Variants in CFAP77 observed in about 807,000 individuals in gnomAD.
CFAP77 encodes cilia- and flagella-associated protein 77.
A neutral mutation model predicts 31.1 loss-of-function variants in CFAP77; 25 were observed. The ratio of observed to expected loss-of-function variants is 0.80; its 90% CI spans 0.59 to 1.12. The LOEUF (loss-of-function observed/expected upper bound fraction) is 1.12. Ranked by LOEUF, CFAP77 falls within the 50% of genes most tolerant of loss-of-function variation. The pLI, the probability that CFAP77 is intolerant of heterozygous loss-of-function variation, is 0.00. For missense variants in CFAP77, 377 were observed against 397.3 expected (o/e 0.95, Z 0.44); for synonymous variants, 151 against 159.9 (o/e 0.94, Z 0.42).
Position 132,486,064 on chromosome 9 carries a change from GTGTA to G in CFAP77, c.196-12629_196-12626del, listed in dbSNP as rs1339829354. ...TATGTATGTATATGTATGTGTGTGT[GTGTA>G]TATATATATATATATATATATATTT... On this transcript the variant is annotated intron_variant, in intron 1 of 5. Coordinates refer to ENST00000393216, the MANE Select transcript of CFAP77 (RefSeq NM_001282957.2). Among the ~76,000 whole-genome samples, 32 of 18,374 alleles carry G rather than the reference GTGTA, an allele frequency of 1.7e-3. 6 individuals carry two copies. In the African/African-American group the frequency reaches 0.018, roughly 10 times the overall value. 12.1% of individuals were successfully genotyped at this position (18,374 alleles called of 152,430 possible).
chr9:132,437,758 G>C (rs1460573585), intron 1 of CFAP77, among the ~76,000 whole-genome samples: 1 of 151,142 alleles, frequency 6.6e-6, no homozygotes, highest in Admixed American at 6.6e-5. Context: ...TGATCTGCCC[G>C]TCTTGGGCTC....
At chr9:132,506,872 CGAG>C (rs1034879086) in intron 3 of CFAP77, among the ~76,000 whole-genome samples, 1 of 152,100 alleles carries the variant, frequency 6.6e-6, no homozygotes, top group Non-Finnish European at 1.5e-5. Context: ...CTGTGCAGTG[CGAG>C]GAGGATTAGT....
intron 3 of CFAP77, among the ~76,000 whole-genome samples, chr9:132,534,610 C>CA (rs201151199): frequency 0.041 from 2,563 of 63,280 alleles, 92 homozygotes; most frequent in African/African-American, 0.08. Context: ...GACTCTGTCT[C>CA]AAAAAAAAAA....
intron 1 of CFAP77, among the ~76,000 whole-genome samples, chr9:132,463,118 G>A (rs115600543): frequency 6.6e-6 from 1 of 152,136 alleles, no homozygotes; most frequent in African/African-American, 2.4e-5. Context: ...AGGGTGCCTG[G>A]GCGGGCTGGG....
chr9:132,445,062 C>T (rs1850686544), intron 1 of CFAP77, among the ~76,000 whole-genome samples: 1 of 151,900 alleles, frequency 6.6e-6, no homozygotes, highest in Non-Finnish European at 1.5e-5. Flanking sequence ...CAACCTCCGC[C>T]TCCTGGGTTC....
intron 3 of CFAP77, among the ~76,000 whole-genome samples, chr9:132,525,028 T>G (rs1852333796): frequency 6.7e-6 from 1 of 148,332 alleles, no homozygotes; most frequent in African/African-American, 2.5e-5. Context: ...AGTAATTTTT[T>G]TTTTTTTTTG....
At chr9:132,473,037 T>C (rs538274296) in intron 1 of CFAP77, among the ~76,000 whole-genome samples, 1 of 152,180 alleles carries the variant, frequency 6.6e-6, no homozygotes, top group African/African-American at 2.4e-5. Flanking sequence ...TCAGGCTGCT[T>C]CCACTCACAG....
intron 5 of CFAP77, among the ~76,000 whole-genome samples, chr9:132,556,849 C>T (rs766573491): frequency 2.0e-5 from 3 of 152,180 alleles, no homozygotes; most frequent in Non-Finnish European, 4.4e-5. Flanking sequence ...CCAGCCAGCC[C>T]CCAGGCCCCT....
Position 132,563,122 on chromosome 9 carries a change from C to T in CFAP77, c.733-9266C>T, listed in dbSNP as rs537309976. The stretch of plus-strand genomic sequence containing the variant: ...GCGGCCTCCACCTCCTGGGCTCAAG[C>T]AATCCTCCCCCTCAATCTCCTGAGT... On this transcript the variant is annotated intron_variant, in intron 5 of 5. Transcript: ENST00000393216. Among the ~76,000 whole-genome samples, 5 of 152,180 alleles carry T rather than the reference C, an allele frequency of 3.3e-5. No homozygotes were observed. The South Asian group carries it at 1.0e-3, about 32-fold the overall frequency.
chr9:132,549,957 A>G (rs971665993), intron 5 of CFAP77, among the ~76,000 whole-genome samples: 11 of 152,272 alleles, frequency 7.2e-5, no homozygotes. Context: ...AAATACTGGC[A>G]AGCCACAAAT....
At chr9:132,467,693 T>G (rs1269885954) in intron 1 of CFAP77, among the ~76,000 whole-genome samples, 2 of 152,196 alleles carry the variant, frequency 1.3e-5, no homozygotes, top group African/African-American at 4.8e-5. Flanking sequence ...CTGCTGTCAC[T>G]TCTTTTGGGT....
chr9:132,566,915 C>T (rs1022313404), intron 5 of CFAP77, among the ~76,000 whole-genome samples: 7 of 152,320 alleles, frequency 4.6e-5, no homozygotes, highest in African/African-American at 1.7e-4. Flanking sequence ...CAGATTGTCT[C>T]GATTTCCTTC....
chr9:132,551,265 G>A (rs1405702114), intron 5 of CFAP77, among the ~76,000 whole-genome samples: 2 of 151,240 alleles, frequency 1.3e-5, no homozygotes, highest in African/African-American at 4.9e-5. Context: ...TCCTTCTTGG[G>A]TGCCAGCCTG....
At chr9:132,421,318 A>G (rs1850212228) in intron 1 of CFAP77, among the ~76,000 whole-genome samples, 1 of 150,516 alleles carries the variant, frequency 6.6e-6, no homozygotes, top group South Asian at 2.2e-4. Flanking sequence ...CACAAAGATT[A>G]GCAAGTATGT....
At chr9:132,535,832 G>T (rs1852532008) in intron 3 of CFAP77, among the ~76,000 whole-genome samples, 2 of 152,134 alleles carry the variant, frequency 1.3e-5, no homozygotes, top group Admixed American at 1.3e-4. Flanking sequence ...ATTTGGGGTA[G>T]ATGCTAATCC....
At chr9:132,515,972 G>T (rs995366461) in intron 3 of CFAP77, among the ~76,000 whole-genome samples, 1 of 152,202 alleles carries the variant, frequency 6.6e-6, no homozygotes, top group Non-Finnish European at 1.5e-5. Context: ...GTAGAACCAG[G>T]GTTACAAATT....
intron 1 of CFAP77, among the ~76,000 whole-genome samples, chr9:132,420,467 A>C (rs923116769): frequency 3.3e-5 from 5 of 151,890 alleles, no homozygotes. Flanking sequence ...AGCCTGGCCA[A>C]CATGGTAAAA....
chr9:132,559,085 G>C (rs554589446), intron 5 of CFAP77, among the ~76,000 whole-genome samples: 2 of 151,746 alleles, frequency 1.3e-5, no homozygotes, highest in African/African-American at 4.8e-5. Flanking sequence ...AGTGGCTCAC[G>C]CCTGTAATCA....
intron 1 of CFAP77, among the ~76,000 whole-genome samples, chr9:132,460,041 G>T (rs1177798027): frequency 6.6e-6 from 1 of 152,122 alleles, no homozygotes; most frequent in African/African-American, 2.4e-5. Context: ...TCCATGCAGG[G>T]CATCGCACCC....
Sources: gnomAD v4.1 joint callset for allele counts (sites outside exome capture counted in the v4.1 genomes callset) on GRCh38, gnomAD v4.1.1 for gene constraint, MANE v1.5 for transcripts, NCBI Gene and HGNC (gene_info 2026-07-23, HGNC 2026-07-21) for gene names.